FRMD3: variants seen among roughly 807,000 people sequenced by gnomAD.
FRMD3 encodes FERM domain-containing protein 3.
Under a neutral mutation model 70.2 loss-of-function variants are expected in FRMD3, and 33 were observed. That is an observed-to-expected ratio of 0.47 (90% CI 0.36 to 0.63). FRMD3 has a LOEUF of 0.63. Ranked by LOEUF, FRMD3 falls within the 20% of genes least tolerant of loss-of-function variation. FRMD3 has a pLI of 0.00. For missense variants in FRMD3, 632 were observed against 711.4 expected (o/e 0.89, Z 1.27); for synonymous variants, 279 against 255.9 (o/e 1.09, Z -0.86).
intron 13 of FRMD3, among the ~76,000 whole-genome samples, chr9:83,284,014 A>G (rs982139593): frequency 1.3e-5 from 2 of 151,614 alleles, no homozygotes; most frequent in African/African-American, 4.9e-5. Flanking sequence ...AGAAATTGCT[A>G]ATGCATTAAC....
chr9:83,418,826 A>G (rs12553050), intron 1 of FRMD3, among the ~76,000 whole-genome samples: 18,207 of 152,234 alleles, frequency 0.12, 1,330 homozygotes, highest in African/African-American at 0.19. Context: ...AGACATGCAC[A>G]TGTATGTTTA....
At chr9:83,344,368 T>C (rs1156701193) in intron 4 of FRMD3, among the ~76,000 whole-genome samples, 1 of 152,098 alleles carries the variant, frequency 6.6e-6, no homozygotes, top group East Asian at 1.9e-4. Context: ...GTTAATTTTT[T>C]ATGTGTCAAC....
chr9:83,479,769 GGGAGGGAGGGAGGGAGGGAA>G (rs1266651494), intron 1 of FRMD3, among the ~76,000 whole-genome samples: 3 of 38,584 alleles, frequency 7.8e-5, no homozygotes, highest in African/African-American at 4.0e-4. Flanking sequence ...AAGGGAGGGA[GGGAGGGAGGGAGGGAGGGAA>G]GGAAGGAAGG....
chr9:83,491,460 C>G (rs1828823160), intron 1 of FRMD3, among the ~76,000 whole-genome samples: 1 of 152,186 alleles, frequency 6.6e-6, no homozygotes, highest in Non-Finnish European at 1.5e-5. Context: ...CCTTGCTGTG[C>G]CCTACCTGAG....
At chr9:83,279,931 C>T (rs12348175) in intron 13 of FRMD3, among the ~76,000 whole-genome samples, 3,047 of 152,186 alleles carry the variant, frequency 0.02, 104 homozygotes, top group African/African-American at 0.07. Context: ...CAAACATGCA[C>T]GTTCTGTACA....
chr9:83,303,425 T>C (rs184858546), intron 10 of FRMD3, among the ~76,000 whole-genome samples: 206 of 152,336 alleles, frequency 1.4e-3, no homozygotes, highest in African/African-American at 4.5e-3. Flanking sequence ...CATGCTCTAG[T>C]CGTACTGGCT....
the FRMD3 span, among the ~76,000 whole-genome samples, chr9:83,553,992 C>T: frequency 6.6e-6 from 1 of 152,114 alleles, no homozygotes; most frequent in African/African-American, 2.4e-5. Flanking sequence ...TGTGGGTGTT[C>T]CTTTAACTGC....
At chr9:83,393,623 C>T (rs1243434569) in intron 1 of FRMD3, among the ~76,000 whole-genome samples, 1 of 151,974 alleles carries the variant, frequency 6.6e-6, no homozygotes, top group African/African-American at 2.4e-5. Context: ...GAGACAGTGA[C>T]AGATCATCAG....
At chr9:83,380,710 T>C (rs1825327474) in intron 2 of FRMD3, among the ~76,000 whole-genome samples, 1 of 152,200 alleles carries the variant, frequency 6.6e-6, no homozygotes, top group Non-Finnish European at 1.5e-5. Flanking sequence ...CTTCAAATGT[T>C]TGGCTTCTGT....
At chr9:83,454,272 G>A (rs1371919695) in intron 1 of FRMD3, among the ~76,000 whole-genome samples, 2 of 152,136 alleles carry the variant, frequency 1.3e-5, no homozygotes, top group African/African-American at 2.4e-5. Flanking sequence ...AATGGCTGAT[G>A]GCTATCCTAA....
At chr9:83,420,964 G>C (rs1229578927) in intron 1 of FRMD3, among the ~76,000 whole-genome samples, 2 of 116,830 alleles carry the variant, frequency 1.7e-5, no homozygotes, top group Admixed American at 9.8e-5. Flanking sequence ...TTTTTGAGAC[G>C]GAGTCTCGCT....
At chr9:83,289,718 C>G (rs1834344650) in intron 13 of FRMD3, among the ~76,000 whole-genome samples, 1 of 152,150 alleles carries the variant, frequency 6.6e-6, no homozygotes, top group South Asian at 2.1e-4. Context: ...ACCAGAATCA[C>G]AAAGTTAAGA....
intron 3 of FRMD3, among the ~76,000 whole-genome samples, chr9:83,371,039 T>G (rs889871262): frequency 2.0e-5 from 3 of 152,252 alleles, no homozygotes; most frequent in African/African-American, 7.2e-5. Flanking sequence ...TATTAAGTAT[T>G]GAAATGCCTT....
intron 1 of FRMD3, among the ~76,000 whole-genome samples, chr9:83,397,681 G>A (rs1203271130): frequency 1.3e-5 from 2 of 152,144 alleles, no homozygotes; most frequent in Non-Finnish European, 1.5e-5. Flanking sequence ...AGGGTTGTGA[G>A]GTTCTTGTTC....
At chr9:83,364,135 T>C (rs1352466977) in intron 3 of FRMD3, among the ~76,000 whole-genome samples, 2 of 152,226 alleles carry the variant, frequency 1.3e-5, no homozygotes, top group Admixed American at 6.5e-5. Flanking sequence ...CGTTCATCTG[T>C]TGGTTTGTAG....
the FRMD3 span, among the ~76,000 whole-genome samples, chr9:83,561,596 T>G: frequency 5.9e-5 from 9 of 152,324 alleles, no homozygotes; most frequent in Admixed American, 5.2e-4. Flanking sequence ...CATGTCAGCT[T>G]CCATTCAGGA....
intron 13 of FRMD3, among the ~76,000 whole-genome samples, chr9:83,287,409 C>G (rs1834262941): frequency 6.6e-6 from 1 of 152,194 alleles, no homozygotes; most frequent in African/African-American, 2.4e-5. Context: ...CCAGCCATAT[C>G]TGCCTCTAAT....
At chr9:83,249,174 G>T (rs1021830851) in intron 13 of FRMD3, among the ~76,000 whole-genome samples, 9 of 148,882 alleles carry the variant, frequency 6.0e-5, no homozygotes, top group Admixed American at 4.6e-4. Context: ...TTGCTTTGCA[G>T]TTGTAAGGAG....
chr9:83,278,722 G>A (rs769503239), intron 13 of FRMD3, among the ~76,000 whole-genome samples: 11 of 152,186 alleles, frequency 7.2e-5, no homozygotes, highest in Non-Finnish European at 1.3e-4. Context: ...CAGGGTCAGA[G>A]TCAGAAGCCC....
Sources: gnomAD v4.1 joint callset for allele counts (sites outside exome capture counted in the v4.1 genomes callset) on GRCh38, gnomAD v4.1.1 for gene constraint, MANE v1.5 for transcripts, NCBI Gene and HGNC (gene_info 2026-07-23, HGNC 2026-07-21) for gene names.